The following BASP1 variants were observed in gnomAD, a reference collection of about 807,000 sequenced individuals.
BASP1 encodes the protein brain acid soluble protein 1.
Under a neutral mutation model 2.2 loss-of-function variants are expected in BASP1, and 1 was observed. That is an observed-to-expected ratio of 0.46 (90% CI 0.16 to 2.17). The LOEUF (loss-of-function observed/expected upper bound fraction) is 2.17, where lower values mean the gene tolerates loss of function less well. BASP1 is among the 30% of genes most tolerant of loss of function. The pLI, the probability that BASP1 is intolerant of heterozygous loss-of-function variation, is 0.27. For synonymous variants in BASP1, 187 were observed against 154.2 expected (o/e 1.21, Z -1.58); for missense variants, 352 against 327.2 (o/e 1.08, Z -0.58).
intron 1 of BASP1, among the ~76,000 whole-genome samples, chr5:17,267,179 C>T (rs1378278943): frequency 6.6e-6 from 1 of 152,148 alleles, no homozygotes; most frequent in Non-Finnish European, 1.5e-5. Flanking sequence ...TTAGGAAGCA[C>T]GCTTGCTCAA....
chr5:17,228,450 C>G (rs1403811088), intron 1 of BASP1, among the ~76,000 whole-genome samples: 1 of 152,180 alleles, frequency 6.6e-6, no homozygotes. Flanking sequence ...TTATGTTTAA[C>G]TTAACTAACT....
At position 17,275,944 on chromosome 5, in the gene BASP1, C is replaced by CCTCTCT. The variant is rs59080603; in HGVS notation, c.*65_*70dup. The CCTCTCT allele has an allele frequency of 4.6e-4, 501 of 1,084,366 alleles. No homozygotes were observed. The highest frequency in any genetic ancestry group is 1.8e-3 in the African/African-American group (108 of 60,382). The allele number at this position is 1,084,366 out of a possible 1,614,324, so 67.2% of individuals were successfully genotyped here. ...AAAACAATACCACTTAAAACAATCT[C>CCTCTCT]CTCTCTCTCTCTCTCTCTCTCTCTC... On this transcript the variant is annotated 3_prime_UTR_variant, in exon 2 of 2. Transcript: ENST00000322611. The surrounding 1 kb of genome is among the most constrained non-coding windows in gnomAD (Gnocchi z 5.3).
chr5:17,220,038 C>T (rs1462345248), intron 1 of BASP1, among the ~76,000 whole-genome samples: 3 of 152,194 alleles, frequency 2.0e-5, no homozygotes, highest in Middle Eastern at 3.4e-3. Flanking sequence ...CAAAAAGGGA[C>T]TTATTGTGTA....
At chr5:17,221,691 G>T (rs773266466) in intron 1 of BASP1, among the ~76,000 whole-genome samples, 15 of 151,958 alleles carry the variant, frequency 9.9e-5, no homozygotes, top group Non-Finnish European at 2.2e-4. Context: ...TAAATTTATT[G>T]TATCTCTTAA....
chr5:17,259,552 T>C (rs1740275705), intron 1 of BASP1, among the ~76,000 whole-genome samples: 1 of 152,210 alleles, frequency 6.6e-6, no homozygotes, highest in Non-Finnish European at 1.5e-5. Context: ...TGGTTTTCAC[T>C]GAAAATCATT....
chr5:17,252,416 T>C (rs1372905095), intron 1 of BASP1, among the ~76,000 whole-genome samples: 1 of 152,204 alleles, frequency 6.6e-6, no homozygotes, highest in Non-Finnish European at 1.5e-5. Flanking sequence ...CCCTATTTTG[T>C]ACTTGTGTAA....
At position 17,260,892 on chromosome 5, in the gene BASP1, GCCT is replaced by G. The variant is rs1740299761; in HGVS notation, c.-9-14315_-9-14313del. On this transcript the variant is annotated intron_variant, in intron 1 of 1. Transcript: ENST00000322611. This position sits in a 1 kb window ranked among gnomAD's most constrained non-coding sequence, Gnocchi z 4.2. ...CCAACAATATAAAAGGGTTAAGCAG[GCCT>G]GGCCTGGTGGTGGCTAACACCTGTA... is the stretch of plus-strand genomic sequence containing the variant. Among the ~76,000 whole-genome samples the G allele has an allele frequency of 6.6e-6, 1 of 152,218 alleles. No homozygotes were observed. Among genetic ancestry groups the G allele is most frequent in the African/African-American group, 2.4e-5 (1 of 41,458 alleles).
intron 1 of BASP1, among the ~76,000 whole-genome samples, chr5:17,249,909 A>C (rs552450619): frequency 2.6e-5 from 4 of 152,048 alleles, no homozygotes; most frequent in African/African-American, 7.2e-5. Context: ...TGTTTTGTCC[A>C]CCTATACTGA....
At chr5:17,250,033 C>T (rs1320667421) in intron 1 of BASP1, among the ~76,000 whole-genome samples, 1 of 152,154 alleles carries the variant, frequency 6.6e-6, no homozygotes, top group Non-Finnish European at 1.5e-5. Flanking sequence ...ACCTCCGCCT[C>T]TTGGATTCAA....
At chr5:17,231,224 C>T (rs1373647862) in intron 1 of BASP1, among the ~76,000 whole-genome samples, 1 of 152,192 alleles carries the variant, frequency 6.6e-6, no homozygotes, top group Non-Finnish European at 1.5e-5. Flanking sequence ...CTTTAGCACT[C>T]ACTTTCCTGG....
chr5:17,238,666 A>G (rs576449674), intron 1 of BASP1, among the ~76,000 whole-genome samples: 1 of 152,180 alleles, frequency 6.6e-6, no homozygotes, highest in South Asian at 2.1e-4. Context: ...TCTCTTCCCT[A>G]GTTTGTCATC....
At chr5:17,233,446 T>C (rs563910142) in intron 1 of BASP1, among the ~76,000 whole-genome samples, 25 of 152,334 alleles carry the variant, frequency 1.6e-4, no homozygotes, top group African/African-American at 5.5e-4. Context: ...GGGTAAGATC[T>C]GAAGGAGCTG....
chr5:17,232,018 A>T (rs756840838), intron 1 of BASP1, among the ~76,000 whole-genome samples: 2 of 152,226 alleles, frequency 1.3e-5, no homozygotes, highest in African/African-American at 4.8e-5. Context: ...TAGCTGATGA[A>T]CTCCAATTAC....
intron 1 of BASP1, among the ~76,000 whole-genome samples, chr5:17,247,093 G>C (rs1156412114): frequency 6.6e-6 from 1 of 152,170 alleles, no homozygotes; most frequent in African/African-American, 2.4e-5. Context: ...GCTGAGGTGG[G>C]AGGATTGCTT....
chr5:17,275,415 G>A lies in BASP1; in HGVS notation c.199G>A (p.Glu67Lys). ...KPDQDAEGKA[E>K]EKEGEKDAAA... ...CGACCAGGACGCCGAGGGCAAGGCCGAGGAGAAGGAGGGCGAGAAGGACGC... is the reference window on the plus strand; with the variant it reads ...CGACCAGGACGCCGAGGGCAAGGCCAAGGAGAAGGAGGGCGAGAAGGACGC... The change falls in exon 2 of 2, where the codon GAG becomes AAG. Residue 67 changes from glutamate to lysine, a missense_variant. Transcript: ENST00000322611. The surrounding 1 kb of genome is among the most constrained non-coding windows in gnomAD (Gnocchi z 5.3). 1.9e-6 allele frequency: 3 copies of A among 1,553,894 alleles called. No homozygotes were observed. The highest frequency in any genetic ancestry group is 2.4e-5 in the East Asian group (1 of 41,964).
intron 1 of BASP1, among the ~76,000 whole-genome samples, chr5:17,259,385 A>G (rs1740271726): frequency 6.6e-6 from 1 of 152,244 alleles, no homozygotes; most frequent in Non-Finnish European, 1.5e-5. Context: ...GTGGGGACAC[A>G]GCCAAACCAT....
In BASP1 at chr5:17,275,445, G is replaced by C. The variant is rs1422062523; in HGVS notation, c.229G>C (p.Ala77Pro). The change falls in exon 2 of 2, where the codon GCT (alanine) becomes CCT (proline). Residue 77 changes from alanine to proline, a missense_variant. By Grantham distance (27) the Ala-to-Pro change is conservative. Transcript: ENST00000322611. The surrounding 1 kb of genome is among the most constrained non-coding windows in gnomAD (Gnocchi z 5.3). ...EEKEGEKDAA[A>P]AKEEAPKAEP... ...GAAGGAGGGCGAGAAGGACGCGGCG[G>C]CTGCCAAGGAGGAGGCCCCGAAGGC... 5 of 1,523,240 alleles carry C rather than the reference G, an allele frequency of 3.3e-6. No homozygotes were observed. The highest frequency in any genetic ancestry group is 2.4e-4 in the Middle Eastern group (1 of 4,246). 94.4% of individuals were successfully genotyped at this position (1,523,240 alleles called of 1,614,324 possible). A position where few individuals can be genotyped will look rare whatever the true frequency, so the allele number is the denominator to read the frequency against.
At chr5:17,244,105 C>T (rs1277274389) in intron 1 of BASP1, among the ~76,000 whole-genome samples, 1 of 152,110 alleles carries the variant, frequency 6.6e-6, no homozygotes, top group Non-Finnish European at 1.5e-5. Flanking sequence ...GAACATATTT[C>T]CAATGTATAC....
chr5:17,263,795 A>C (rs890366328), intron 1 of BASP1, among the ~76,000 whole-genome samples: 1 of 152,200 alleles, frequency 6.6e-6, no homozygotes, highest in African/African-American at 2.4e-5. Context: ...TTTTATTGTG[A>C]CAAGGTAATA....
Sources: allele counts gnomAD v4.1 joint callset (sites outside exome capture counted in the v4.1 genomes callset), GRCh38; gene constraint gnomAD v4.1.1; non-coding constraint Gnocchi (gnomAD v3.1); transcripts MANE v1.5; gene names NCBI Gene and HGNC (gene_info 2026-07-23, HGNC 2026-07-21).